The following CCDC171 variants were observed in gnomAD, a reference collection of about 807,000 sequenced individuals.
CCDC171 encodes coiled-coil domain-containing protein 171.
A neutral mutation model predicts 168.2 loss-of-function variants in CCDC171; 177 were observed. That is an observed-to-expected ratio of 1.05 (90% confidence interval 0.93 to 1.19). The LOEUF (loss-of-function observed/expected upper bound fraction) is 1.19, where lower values mean the gene tolerates loss of function less well. Ranked by LOEUF, CCDC171 falls within the 50% of genes most tolerant of loss-of-function variation. The pLI is 0.00. For missense variants in CCDC171, 1,991 were observed against 1,539.0 expected, an observed-to-expected ratio of 1.29 and a Z score of -4.91; for synonymous variants, 687 against 540.8, an observed-to-expected ratio of 1.27 and a Z score of -3.75.
intron 6 of CCDC171, among the ~76,000 whole-genome samples, chr9:15,600,199 G>T (rs1037103570): frequency 6.6e-6 from 1 of 152,222 alleles, no homozygotes; most frequent in Non-Finnish European, 1.5e-5. Flanking sequence ...TTCCTTTAGA[G>T]GGGGAGAGGC....
chr9:15,822,650 A>C (rs899294440), intron 21 of CCDC171, among the ~76,000 whole-genome samples: 35 of 152,236 alleles, frequency 2.3e-4, no homozygotes, highest in Non-Finnish European at 3.5e-4. Context: ...ATCTCACAGC[A>C]GTTAGAATGG....
rs765430714 is a variant in CCDC171 at position 15,744,400 on chromosome 9, C to G, written c.2177C>G (p.Ser726Cys). The change falls in exon 17 of 26, where the codon TCC becomes TGC. Residue 726 changes from serine to cysteine, a missense_variant. Transcript: ENST00000380701. Reference protein sequence around the residue: ...LLSQTQREQMSLLAACALMAG... With the variant: ...LLSQTQREQMCLLAACALMAG... ...TCACAGACTCAAAGGGAACAGATGT[C>G]CTTGCTGGCAGCCTGTGCATTAATG... 2 of 1,614,166 alleles carry G rather than the reference C, an allele frequency of 1.2e-6. No homozygotes were observed. The highest frequency in any genetic ancestry group is 2.2e-5 in the South Asian group (2 of 91,088).
At chr9:15,904,698 A>C (rs944817257) in intron 24 of CCDC171, among the ~76,000 whole-genome samples, 3 of 152,182 alleles carry the variant, frequency 2.0e-5, no homozygotes, top group Non-Finnish European at 2.9e-5. Context: ...AAATGGGCTA[A>C]ATGCTCCAAT....
At chr9:15,620,052 T>C (rs946376110) in intron 6 of CCDC171, among the ~76,000 whole-genome samples, 2 of 152,222 alleles carry the variant, frequency 1.3e-5, no homozygotes, top group Admixed American at 6.5e-5. Flanking sequence ...TCTCAAAATA[T>C]TGTTTGTTAA....
rs140020949 is a variant in CCDC171, at chr9:15,754,673, C to T, written c.2671+9042C>T. Among the ~76,000 whole-genome samples, 19 of 152,208 alleles carry T rather than the reference C, an allele frequency of 1.2e-4. 1 individual carries two copies. The highest frequency in any genetic ancestry group is 4.1e-4 in the African/African-American group (17 of 41,542). Reference sequence around the variant, plus strand: ...CTTTGAATACTGGTTCTGACACTAGCTGTGTGACCTTGGGCAAGTTATTTA... The same window carrying T: ...CTTTGAATACTGGTTCTGACACTAGTTGTGTGACCTTGGGCAAGTTATTTA... On this transcript the variant is annotated intron_variant, in intron 18 of 25. Transcript: ENST00000380701.
chr9:15,991,961 C>T (rs1451985794), intron 3 of CCDC171, among the ~76,000 whole-genome samples: 3 of 152,078 alleles, frequency 2.0e-5, no homozygotes, highest in Non-Finnish European at 2.9e-5. Context: ...AAAAAAAGTC[C>T]GGGATCAGGT....
intron 24 of CCDC171, among the ~76,000 whole-genome samples, chr9:15,905,605 T>G (rs1091476): frequency 0.28 from 43,032 of 151,794 alleles, 6,178 homozygotes; most frequent in Admixed American, 0.34. Context: ...ACATCACAAT[T>G]AAAAGAACTA....
intron 6 of CCDC171, among the ~76,000 whole-genome samples, chr9:15,608,520 C>T (rs376502386): frequency 6.6e-6 from 1 of 152,056 alleles, no homozygotes; most frequent in Admixed American, 6.5e-5. Context: ...AATTGTATCT[C>T]ATTCTTGCTT....
intron 18 of CCDC171, among the ~76,000 whole-genome samples, chr9:15,749,003 T>C (rs2055508875): frequency 1.3e-5 from 2 of 152,182 alleles, no homozygotes; most frequent in South Asian, 4.1e-4. Context: ...AAGGCTCCAG[T>C]TGAAAGATTC....
intron 3 of CCDC171, among the ~76,000 whole-genome samples, chr9:15,995,395 A>G (rs908112443): frequency 6.6e-6 from 1 of 152,202 alleles, no homozygotes; most frequent in Admixed American, 6.5e-5. Context: ...TGATCCATGT[A>G]TTTTTGTTAG....
chr9:15,672,034 T>C (rs958286485), intron 9 of CCDC171, among the ~76,000 whole-genome samples: 1 of 152,212 alleles, frequency 6.6e-6, no homozygotes, highest in Non-Finnish European at 1.5e-5. Flanking sequence ...TTTTTAATGA[T>C]CGCCATTCTA....
chr9:15,933,900 G>C (rs1174029897), intron 25 of CCDC171, among the ~76,000 whole-genome samples: 1 of 151,776 alleles, frequency 6.6e-6, no homozygotes, highest in African/African-American at 2.4e-5. Flanking sequence ...GACACCAAAA[G>C]GATAAGTGAC....
intron 21 of CCDC171, among the ~76,000 whole-genome samples, chr9:15,789,106 A>G (rs1210962614): frequency 6.6e-6 from 1 of 152,176 alleles, no homozygotes; most frequent in East Asian, 1.9e-4. Context: ...TCCTGGAGGC[A>G]GATACAGGTT....
chr9:15,718,866 C>CTAA (rs1005830644), intron 11 of CCDC171, among the ~76,000 whole-genome samples: 10 of 152,158 alleles, frequency 6.6e-5, no homozygotes, highest in African/African-American at 2.4e-4. Flanking sequence ...AGGACAGGTA[C>CTAA]TAATAAGTCC....
At chr9:15,808,456 G>C (rs114302788) in intron 21 of CCDC171, among the ~76,000 whole-genome samples, 1,992 of 152,316 alleles carry the variant, frequency 0.013, 52 homozygotes, top group African/African-American at 0.045. Flanking sequence ...GAGTACTTTT[G>C]AATGAATCAA....
chr9:15,832,856 T>C (rs992574094), intron 21 of CCDC171, among the ~76,000 whole-genome samples: 1 of 152,196 alleles, frequency 6.6e-6, no homozygotes, highest in Non-Finnish European at 1.5e-5. Flanking sequence ...TTAAAATCCT[T>C]TTTTTAACGT....
downstream of CCDC171, among the ~76,000 whole-genome samples, chr9:16,062,243 T>C (rs1257404760): frequency 6.6e-6 from 1 of 152,042 alleles, no homozygotes; most frequent in Non-Finnish European, 1.5e-5. Context: ...AGTAAGGAGA[T>C]TTTGCAGCAA....
At chr9:15,635,853 T>G (rs981220419) in intron 7 of CCDC171, among the ~76,000 whole-genome samples, 10 of 152,204 alleles carry the variant, frequency 6.6e-5, no homozygotes, top group Non-Finnish European at 1.3e-4. Flanking sequence ...GTTAACATTT[T>G]GAGGAACTGT....
intron 21 of CCDC171, among the ~76,000 whole-genome samples, chr9:15,813,038 G>A (rs1428909975): frequency 6.6e-6 from 1 of 152,192 alleles, no homozygotes; most frequent in Non-Finnish European, 1.5e-5. Flanking sequence ...GTGCAAATAA[G>A]GGTGAACAGA....
Sources: gnomAD v4.1 joint callset for allele counts (sites outside exome capture counted in the v4.1 genomes callset) on GRCh38, gnomAD v4.1.1 for gene constraint, MANE v1.5 for transcripts, NCBI Gene and HGNC (gene_info 2026-07-23, HGNC 2026-07-21) for gene names.